Variants in CTNNA2 observed in about 807,000 individuals in gnomAD.
CTNNA2 encodes catenin alpha-2.
Under a neutral mutation model 101.0 loss-of-function variants are expected in CTNNA2, and 42 were observed. The ratio of observed to expected loss-of-function variants is 0.42; its 90% CI spans 0.32 to 0.54. The LOEUF (loss-of-function observed/expected upper bound fraction) is 0.54, where lower values mean the gene tolerates loss of function less well. Among genes scored for constraint, CTNNA2 ranks in the 20% least tolerant of loss-of-function variants. The probability of loss-of-function intolerance (pLI) is 0.14; values close to 1 mark genes in which losing one functional copy is unlikely to be tolerated. For synonymous variants in CTNNA2, 450 were observed against 456.4 expected, an observed-to-expected ratio of 0.99 and a Z score of 0.18; for missense variants, 871 against 1,223.1, an observed-to-expected ratio of 0.71 and a Z score of 4.29.
At chr2:80,202,823 A>G (rs1181224129) in intron 7 of CTNNA2, among the ~76,000 whole-genome samples, 1 of 152,126 alleles carries the variant, frequency 6.6e-6, no homozygotes, top group African/African-American at 2.4e-5. Flanking sequence ...CTTAAAGCAA[A>G]TCACACTGTA....
At chr2:80,565,313 C>A (rs1693959431) in intron 12 of CTNNA2, among the ~76,000 whole-genome samples, 1 of 152,002 alleles carries the variant, frequency 6.6e-6, no homozygotes, top group Admixed American at 6.6e-5. Flanking sequence ...GTTCTAGGAG[C>A]AAGTTTATCA....
chr2:79,213,266 G>T (rs1469084834), intron 2 of CTNNA2, among the ~76,000 whole-genome samples: 1 of 152,164 alleles, frequency 6.6e-6, no homozygotes, highest in Non-Finnish European at 1.5e-5. Context: ...GACGGCCTTT[G>T]CAGTGAATGA....
At chr2:80,611,861 A>G (rs1698493059) in intron 17 of CTNNA2, among the ~76,000 whole-genome samples, 1 of 151,608 alleles carries the variant, frequency 6.6e-6, no homozygotes. Context: ...TCAGAACATA[A>G]CAGCAATAAC....
At chr2:79,543,465 A>C (rs908710272) in intron 1 of CTNNA2, among the ~76,000 whole-genome samples, 5 of 152,204 alleles carry the variant, frequency 3.3e-5, no homozygotes, top group African/African-American at 4.8e-5. Context: ...TTTTAAAGAT[A>C]GACAGCTGTA....
At chr2:79,651,807 C>T in intron 2 of CTNNA2, 149 bp downstream of exon 2, 3 of 663,426 alleles carry the variant, frequency 4.5e-6, no homozygotes, top group Non-Finnish European at 7.7e-6. Context: ...GAACTATGGG[C>T]AATCTCATTG....
chr2:79,785,442 G>A (rs1021709042), intron 3 of CTNNA2, among the ~76,000 whole-genome samples: 3 of 151,914 alleles, frequency 2.0e-5, no homozygotes, highest in Admixed American at 6.6e-5. Flanking sequence ...TTTCTCCCTC[G>A]GTCCTTCTGA....
intron 4 of CTNNA2, among the ~76,000 whole-genome samples, chr2:79,401,903 A>T (rs1678294218): frequency 6.6e-6 from 1 of 151,638 alleles, no homozygotes; most frequent in South Asian, 2.1e-4. Context: ...TATGTTATAC[A>T]CTGTCCACAA....
At chr2:80,237,217 A>C (rs1218802898) in intron 7 of CTNNA2, among the ~76,000 whole-genome samples, 1 of 152,212 alleles carries the variant, frequency 6.6e-6, no homozygotes, top group Non-Finnish European at 1.5e-5. Context: ...CACTGGTCCC[A>C]GCCCTGCTAA....
At position 79,303,047 on chromosome 2, in the gene CTNNA2, T is replaced by C. The variant is rs115479728; in HGVS notation, c.-405-9662T>C. On this transcript the variant is annotated intron_variant, in intron 2 of 21. Coordinates refer to the CTNNA2 transcript ENST00000466387. The stretch of plus-strand genomic sequence containing the variant: ...ATGAATCTGTGCCCAGTCTTCTACA[T>C]AGGATGCTATGCTGATTTTTGACTG... Among the ~76,000 whole-genome samples, 513 of 152,310 alleles carry C rather than the reference T, an allele frequency of 3.4e-3. 3 individuals are homozygous for C. The highest frequency in any genetic ancestry group is 0.012 in the African/African-American group (496 of 41,560).
At chr2:80,257,485 T>G (rs1423312259) in intron 7 of CTNNA2, among the ~76,000 whole-genome samples, 1 of 152,132 alleles carries the variant, frequency 6.6e-6, no homozygotes, top group Non-Finnish European at 1.5e-5. Context: ...ATGTTAATGA[T>G]TGTCTCTGCT....
At chr2:80,518,389 C>A (rs1359710340) in intron 9 of CTNNA2, among the ~76,000 whole-genome samples, 2 of 152,126 alleles carry the variant, frequency 1.3e-5, no homozygotes, top group Non-Finnish European at 2.9e-5. Flanking sequence ...GGGACGTCTC[C>A]AACTGTCCAA....
intron 7 of CTNNA2, among the ~76,000 whole-genome samples, chr2:80,321,870 G>A (rs1053979618): frequency 2.0e-5 from 3 of 152,072 alleles, no homozygotes; most frequent in Non-Finnish European, 2.9e-5. Flanking sequence ...GCTGGCTCTG[G>A]CATGGTAGGT....
At chr2:79,500,198 T>C (rs1280554956) in intron 4 of CTNNA2, among the ~76,000 whole-genome samples, 1 of 152,226 alleles carries the variant, frequency 6.6e-6, no homozygotes, top group African/African-American at 2.4e-5. Flanking sequence ...TCAAAGCCCC[T>C]ATTGAAAAAT....
intron 4 of CTNNA2, among the ~76,000 whole-genome samples, chr2:79,501,869 G>T (rs1455099086): frequency 6.6e-6 from 1 of 151,990 alleles, no homozygotes; most frequent in Non-Finnish European, 1.5e-5. Context: ...GGGATATTTG[G>T]GTAGATGGAG....
intron 2 of CTNNA2, among the ~76,000 whole-genome samples, chr2:79,305,364 A>G: frequency 7.5e-6 from 1 of 133,516 alleles, no homozygotes. Flanking sequence ...ATATATACAT[A>G]TATATACACA....
intron 7 of CTNNA2, among the ~76,000 whole-genome samples, chr2:80,343,980 G>A (rs376840664): frequency 6.6e-6 from 1 of 152,078 alleles, no homozygotes; most frequent in East Asian, 1.9e-4. Flanking sequence ...TAAGGGAAGA[G>A]CTATTCCAGT....
rs182725820 is a variant in CTNNA2 at position 80,642,134 on chromosome 2, G to T, written c.2575-5451G>T. Among the ~76,000 whole-genome samples, 17 of 152,208 alleles carry T rather than the reference G, an allele frequency of 1.1e-4. No individual in the cohort carries two copies. The East Asian group carries it at 3.3e-3, about 29-fold the overall frequency. On this transcript the variant is annotated intron_variant, in intron 18 of 18. Transcript: ENST00000402739. ...CATCCTTTATATTTCCGCAATCTAGGTTGAGAGCATTGATGTATACTAAGT... is the reference window on the plus strand; with the variant it reads ...CATCCTTTATATTTCCGCAATCTAGTTTGAGAGCATTGATGTATACTAAGT...
intron 16 of CTNNA2, chr2:80,605,724 A>C (rs1697945573): frequency 6.6e-6 from 1 of 151,974 alleles, no homozygotes; most frequent in South Asian, 2.1e-4. Context: ...GATTGCACTT[A>C]AGAGTCAAGA....
intron 4 of CTNNA2, among the ~76,000 whole-genome samples, chr2:79,866,135 G>C (rs184079082): frequency 5.3e-5 from 8 of 152,290 alleles, no homozygotes; most frequent in Admixed American, 2.6e-4. Flanking sequence ...GAGTAGACAG[G>C]CTTGCTTTAG....
Sources: gnomAD v4.1 joint callset for allele counts (sites outside exome capture counted in the v4.1 genomes callset) on GRCh38, gnomAD v4.1.1 for gene constraint, MANE v1.5 for transcripts, NCBI Gene and HGNC (gene_info 2026-07-23, HGNC 2026-07-21) for gene names.